The following KCNK2 variants were observed in gnomAD, a reference collection of about 807,000 sequenced individuals.
KCNK2 encodes the protein potassium two pore domain channel subfamily K member 2.
Under a neutral mutation model 40.5 loss-of-function variants are expected in KCNK2, and 21 were observed. That is an observed-to-expected ratio of 0.52 (90% CI 0.37 to 0.75). The LOEUF (loss-of-function observed/expected upper bound fraction) is 0.75. Among genes scored for constraint, KCNK2 ranks in the 30% least tolerant of loss-of-function variants. The probability of loss-of-function intolerance (pLI) is 0.00; values close to 1 mark genes in which losing one functional copy is unlikely to be tolerated. For missense variants in KCNK2, 399 were observed against 531.6 expected (o/e 0.75, Z 2.45); for synonymous variants, 191 against 202.2 (o/e 0.94, Z 0.47).
rs1431725282 is a variant in KCNK2, at chr1:215,029,878, C to T, written c.34+23923C>T. Reference sequence around the variant, plus strand: ...AATAACGAATAAAGCCTCTATAAACCTCTGTGTAGGTTTTTGTGTGGACAT... The same window carrying T: ...AATAACGAATAAAGCCTCTATAAACTTCTGTGTAGGTTTTTGTGTGGACAT... On this transcript the variant is annotated intron_variant, in intron 1 of 6. Transcript: ENST00000391895. Among the ~76,000 whole-genome samples the T allele has an allele frequency of 2.6e-5, 4 of 152,038 alleles. No individual in the cohort carries two copies. The East Asian group carries it at 5.8e-4, about 22-fold the overall frequency.
At chr1:215,092,863 G>A (rs1472192715) in intron 2 of KCNK2, among the ~76,000 whole-genome samples, 3 of 152,120 alleles carry the variant, frequency 2.0e-5, no homozygotes, top group East Asian at 3.9e-4. Context: ...GCTATAAAGT[G>A]ATACTCTTGG....
chr1:215,163,983 C>T (rs12119741), intron 3 of KCNK2, among the ~76,000 whole-genome samples: 119 of 152,214 alleles, frequency 7.8e-4, no homozygotes, highest in Middle Eastern at 3.4e-3. Context: ...GGAATAGTTT[C>T]AGAAGGAATG....
chr1:215,083,756 G>A (rs943416260), intron 1 of KCNK2: 22 of 439,576 alleles, frequency 5.0e-5, no homozygotes, highest in Non-Finnish European at 7.9e-5. Flanking sequence ...TGGTGACCCC[G>A]GTCACACTTG....
chr1:215,022,272 T>C (rs952974361), intron 1 of KCNK2, among the ~76,000 whole-genome samples: 7 of 152,194 alleles, frequency 4.6e-5, no homozygotes, highest in African/African-American at 1.7e-4. Context: ...TGTTTTCTTC[T>C]GGGTTCTAGA....
intron 6 of KCNK2, among the ~76,000 whole-genome samples, chr1:215,230,089 G>A (rs113676817): frequency 3.1e-3 from 100 of 32,732 alleles, no homozygotes; most frequent in Non-Finnish European, 5.9e-3. Flanking sequence ...CTGTGTGTGT[G>A]TATACACACA....
Position 215,086,429 on chromosome 1 carries a change from G to A in KCNK2, c.108G>A (p.Ser36=), listed in dbSNP as rs1481663513. Residue 36 remains serine (S), a synonymous_variant, in exon 2 of 7, where the codon TCG becomes TCA. Transcript: ENST00000444842. ...CTCAGAACTCCAAACCGAGGCTCTCGTTTTCCACGAAACCCACAGTGCTTG... is the reference window on the plus strand; with the variant it reads ...CTCAGAACTCCAAACCGAGGCTCTCATTTTCCACGAAACCCACAGTGCTTG... The part of the protein sequence containing the change: ...SAAQNSKPRL[S]FSTKPTVLAS... The A allele has an allele frequency of 9.3e-6, 15 of 1,614,090 alleles. No homozygotes were observed. The highest frequency in any genetic ancestry group is 1.2e-5 in the Non-Finnish European group (14 of 1,180,010).
intron 6 of KCNK2, among the ~76,000 whole-genome samples, chr1:215,203,880 C>T (rs1325390256): frequency 6.6e-6 from 1 of 151,350 alleles, no homozygotes; most frequent in African/African-American, 2.4e-5. Flanking sequence ...CTACTAAAAA[C>T]ACAAAAAATT....
intron 1 of KCNK2, among the ~76,000 whole-genome samples, chr1:215,021,840 C>T (rs1226173841): frequency 2.6e-5 from 4 of 152,106 alleles, no homozygotes; most frequent in East Asian, 3.9e-4. Flanking sequence ...TGAGCCACTG[C>T]GCCCGGCCAC....
rs1553277287 is a variant in KCNK2 at position 215,236,085 on chromosome 1, T to TATCTATCTATC, written c.*941_*951dup. On this transcript the variant is annotated 3_prime_UTR_variant, in exon 7 of 7. Coordinates refer to ENST00000444842, the MANE Select transcript of KCNK2 (RefSeq NM_001017425.3). ...CTATCTATCTATCTATCTATCTATC[T>TATCTATCTATC]ATCTATCTATCTAAATGACCTGACA... 2.4e-4 allele frequency: 36 copies of TATCTATCTATC among 152,080 alleles called. No homozygotes were observed. Among genetic ancestry groups the TATCTATCTATC allele is most frequent in the African/African-American group, 8.5e-4 (35 of 41,156 alleles). The allele number at this position is 152,080 out of a possible 1,614,324, so 9.4% of individuals were successfully genotyped here. A position where few individuals can be genotyped will look rare whatever the true frequency, so the allele number is the denominator to read the frequency against.
At chr1:215,106,291 G>A (rs1660436768) in intron 2 of KCNK2, among the ~76,000 whole-genome samples, 1 of 152,062 alleles carries the variant, frequency 6.6e-6, no homozygotes, top group Admixed American at 6.6e-5. Flanking sequence ...TCTGACTGGT[G>A]TGAGATGGTA....
intron 1 of KCNK2, 194 bp downstream of exon 1, chr1:215,083,625 C>T (rs980431444): frequency 8.2e-6 from 5 of 609,042 alleles, no homozygotes; most frequent in South Asian, 2.0e-5. Context: ...GCTTCTCCCC[C>T]CTCTCCCGCC....
chr1:215,109,411 G>A (rs548530076), intron 2 of KCNK2, among the ~76,000 whole-genome samples: 16 of 151,800 alleles, frequency 1.1e-4, no homozygotes, highest in East Asian at 5.8e-4. Flanking sequence ...CTCTACCTCC[G>A]TGGGATTTAC....
chr1:215,217,510 C>T (rs1263161586), intron 6 of KCNK2, among the ~76,000 whole-genome samples: 1 of 152,140 alleles, frequency 6.6e-6, no homozygotes, highest in African/African-American at 2.4e-5. Context: ...TTATTACTCA[C>T]TTCTCATCTT....
Position 215,050,910 on chromosome 1 carries a change from G to A in KCNK2, c.35-35458G>A, listed in dbSNP as rs144507760. Among the ~76,000 whole-genome samples, 6 of 152,256 alleles carry A rather than the reference G, an allele frequency of 3.9e-5. No homozygotes were observed. The East Asian group carries it at 1.2e-3, about 29-fold the overall frequency. On this transcript the variant is annotated intron_variant, in intron 1 of 6. Coordinates refer to the KCNK2 transcript ENST00000391895. ...ATCATTACACTATGGGGAACTGTGG[G>A]ATGTCACAGTAATAGGTTGTTAACA...
chr1:215,194,917 A>G, intron 5 of KCNK2, 36 bp from the exon 6 acceptor site: 2 of 1,604,026 alleles, frequency 1.2e-6, no homozygotes, highest in Non-Finnish European at 1.7e-6. Context: ...TTTTAAGACT[A>G]TGAAGTTATT....
At chr1:215,135,402 CTG>C (rs1194871269) in intron 3 of KCNK2, among the ~76,000 whole-genome samples, 1 of 152,026 alleles carries the variant, frequency 6.6e-6, no homozygotes, top group Non-Finnish European at 1.5e-5. Flanking sequence ...TATTGAATGA[CTG>C]TATACTAATT....
At chr1:215,210,057 C>A (rs1665668898) in intron 6 of KCNK2, among the ~76,000 whole-genome samples, 1 of 53,714 alleles carries the variant, frequency 1.9e-5, no homozygotes. Flanking sequence ...TATATATACA[C>A]ACACTATACA....
intron 3 of KCNK2, among the ~76,000 whole-genome samples, chr1:215,151,623 T>C (rs1049884304): frequency 6.6e-6 from 1 of 152,076 alleles, no homozygotes; most frequent in Non-Finnish European, 1.5e-5. Flanking sequence ...ATGCATAGAT[T>C]TGATAAAAAT....
At chr1:215,136,954 A>C (rs1661949006) in intron 3 of KCNK2, among the ~76,000 whole-genome samples, 1 of 152,132 alleles carries the variant, frequency 6.6e-6, no homozygotes, top group Non-Finnish European at 1.5e-5. Context: ...TGCTTTTCCA[A>C]ACTGTGTCTT....
Sources: allele counts gnomAD v4.1 joint callset (sites outside exome capture counted in the v4.1 genomes callset), GRCh38; gene constraint gnomAD v4.1.1; transcripts MANE v1.5; gene names NCBI Gene and HGNC (gene_info 2026-07-23, HGNC 2026-07-21).